The following GLIS1 variants were observed in gnomAD, a reference collection of about 807,000 sequenced individuals.
GLIS1 encodes zinc finger protein GLIS1.
Under a neutral mutation model 63.8 loss-of-function variants are expected in GLIS1, and 24 were observed. That is an observed-to-expected ratio of 0.38 (90% CI 0.27 to 0.53). The LOEUF (loss-of-function observed/expected upper bound fraction) is 0.53, where lower values mean the gene tolerates loss of function less well. GLIS1 is among the 20% of genes least tolerant of loss of function. The pLI, the probability that GLIS1 is intolerant of heterozygous loss-of-function variation, is 0.85. For missense variants in GLIS1, 1,036 were observed against 1,074.1 expected (o/e 0.96, Z 0.50); for synonymous variants, 450 against 482.5 (o/e 0.93, Z 0.88).
At chr1:53,608,786 A>G (rs1238107612) in intron 2 of GLIS1, among the ~76,000 whole-genome samples, 2 of 152,192 alleles carry the variant, frequency 1.3e-5, no homozygotes, top group African/African-American at 4.8e-5. Context: ...ACCAATCAGC[A>G]TGTTCCCATC....
At chr1:53,572,801 G>C (rs927588939) in intron 4 of GLIS1, among the ~76,000 whole-genome samples, 2 of 152,210 alleles carry the variant, frequency 1.3e-5, no homozygotes, top group African/African-American at 4.8e-5. Context: ...CCATTGCCTG[G>C]AGCTGGGGCA....
chr1:53,538,470 C>T (rs1644604950), intron 4 of GLIS1, among the ~76,000 whole-genome samples: 1 of 152,160 alleles, frequency 6.6e-6, no homozygotes, highest in South Asian at 2.1e-4. Context: ...TGCCAGAGTC[C>T]CAGCGCTCAC....
chr1:53,712,900 A>G (rs1646660351), intron 2 of GLIS1, among the ~76,000 whole-genome samples: 2 of 152,214 alleles, frequency 1.3e-5, no homozygotes, highest in African/African-American at 2.4e-5. Context: ...AGGTAAAAGG[A>G]GCCCAAATGT....
chr1:53,658,642 C>T (rs1222508780), intron 2 of GLIS1, among the ~76,000 whole-genome samples: 1 of 152,174 alleles, frequency 6.6e-6, no homozygotes, highest in Non-Finnish European at 1.5e-5. Flanking sequence ...TCCAGTAGCA[C>T]CTCAGGTGGG....
rs141735412 is a variant in GLIS1, at chr1:53,553,919, C to G, written c.1321-23967G>C. On this transcript the variant is annotated intron_variant, in intron 4 of 10. Transcript: ENST00000628545. ...GGGGTGCTGCAGCTCAGACAGTGTG[C>G]CTTGCTGACCAGCGGGAGGATTTGT... is the stretch of plus-strand genomic sequence containing the variant. Among the ~76,000 whole-genome samples, 843 of 152,234 alleles carry G rather than the reference C, an allele frequency of 5.5e-3. 9 individuals are homozygous for G. The highest frequency in any genetic ancestry group is 9.3e-3 in the Non-Finnish European group (630 of 68,006).
intron 2 of GLIS1, among the ~76,000 whole-genome samples, chr1:53,716,394 G>A (rs1026039721): frequency 2.0e-5 from 3 of 152,114 alleles, no homozygotes; most frequent in African/African-American, 4.8e-5. Context: ...TGGGGAAAGG[G>A]GAGGGTCAGT....
chr1:53,595,116 G>T (rs1645241949), intron 3 of GLIS1, 126 bp from the exon 4 acceptor site: 1 of 739,774 alleles, frequency 1.4e-6, no homozygotes, highest in Non-Finnish European at 1.9e-6. Context: ...GGCAGAGGCT[G>T]AGGGCTAGAG....
At chr1:53,684,118 G>A (rs1487308297) in intron 2 of GLIS1, among the ~76,000 whole-genome samples, 1 of 152,002 alleles carries the variant, frequency 6.6e-6, no homozygotes, top group East Asian at 1.9e-4. Flanking sequence ...AAACTCCAAA[G>A]TTCCCAGCCA....
chr1:53,583,014 C>G (rs1645100988), intron 4 of GLIS1, among the ~76,000 whole-genome samples: 1 of 152,206 alleles, frequency 6.6e-6, no homozygotes, highest in Admixed American at 6.5e-5. Context: ...GGCAACTCAG[C>G]CTGATCAGAA....
chr1:53,620,603 G>A (rs1412945607), intron 2 of GLIS1, among the ~76,000 whole-genome samples: 1 of 152,262 alleles, frequency 6.6e-6, no homozygotes, highest in Non-Finnish European at 1.5e-5. Flanking sequence ...CGCAGCTCCA[G>A]GTGGCTCACT....
At chr1:53,658,805 C>T (rs532429207) in intron 2 of GLIS1, among the ~76,000 whole-genome samples, 9 of 152,284 alleles carry the variant, frequency 5.9e-5, no homozygotes, top group South Asian at 2.1e-4. Context: ...TTGTCCTCTA[C>T]GGTGGCATCA....
intron 2 of GLIS1, among the ~76,000 whole-genome samples, chr1:53,619,866 G>A (rs1645522754): frequency 6.6e-6 from 1 of 152,218 alleles, no homozygotes; most frequent in African/African-American, 2.4e-5. Flanking sequence ...GCTGTCCAAG[G>A]TGACACTGGG....
chr1:53,724,868 C>G (rs1302310775), intron 2 of GLIS1, among the ~76,000 whole-genome samples: 1 of 152,032 alleles, frequency 6.6e-6, no homozygotes, highest in Non-Finnish European at 1.5e-5. Flanking sequence ...GGTCCAGTAC[C>G]TAACAATGCT....
intron 2 of GLIS1, among the ~76,000 whole-genome samples, chr1:53,603,367 C>T (rs1264067439): frequency 6.6e-6 from 1 of 152,198 alleles, no homozygotes; most frequent in Admixed American, 6.5e-5. Context: ...CTGGCATAGT[C>T]GTGGCCCAAA....
chr1:53,584,427 T>C (rs1389599301), intron 4 of GLIS1, among the ~76,000 whole-genome samples: 1 of 152,202 alleles, frequency 6.6e-6, no homozygotes, highest in Admixed American at 6.5e-5. Context: ...GGTCTACACC[T>C]GGAAAGTGCC....
intron 2 of GLIS1, among the ~76,000 whole-genome samples, chr1:53,619,012 C>A (rs1284675126): frequency 6.6e-6 from 1 of 152,226 alleles, no homozygotes; most frequent in East Asian, 1.9e-4. Context: ...AATGTTCTGT[C>A]GTCTTCTAAT....
intron 4 of GLIS1, among the ~76,000 whole-genome samples, chr1:53,535,907 G>C (rs1644576680): frequency 6.6e-6 from 1 of 152,008 alleles, no homozygotes; most frequent in Non-Finnish European, 1.5e-5. Flanking sequence ...CCTTGGTGCT[G>C]GCTTGGTGGC....
chr1:53,647,272 G>A (rs1645857003), intron 2 of GLIS1, among the ~76,000 whole-genome samples: 1 of 152,124 alleles, frequency 6.6e-6, no homozygotes, highest in African/African-American at 2.4e-5. Flanking sequence ...GAATAGCCAG[G>A]GTGATCCTGA....
At chr1:53,612,359 C>A (rs1349367620) in intron 2 of GLIS1, among the ~76,000 whole-genome samples, 2 of 152,070 alleles carry the variant, frequency 1.3e-5, no homozygotes, top group African/African-American at 4.8e-5. Flanking sequence ...CCTGCCTCAG[C>A]CTCCTAAGTA....
Sources: gnomAD v4.1 joint callset for allele counts (sites outside exome capture counted in the v4.1 genomes callset) on GRCh38, gnomAD v4.1.1 for gene constraint, MANE v1.5 for transcripts, NCBI Gene and HGNC (gene_info 2026-07-23, HGNC 2026-07-21) for gene names.